CCDC160: variants seen among roughly 807,000 people sequenced by gnomAD.
The protein encoded by CCDC160 is coiled-coil domain-containing protein 160.
For synonymous variants in CCDC160, 94 were observed against 79.4 expected, an observed-to-expected ratio of 1.18 and a Z score of -0.98; for missense variants, 227 against 215.6, an observed-to-expected ratio of 1.05 and a Z score of -0.33.
intron 1 of CCDC160, among the ~76,000 whole-genome samples, chrX:134,244,451 G>A (rs2077035929): frequency 8.9e-6 from 1 of 112,221 alleles, no homozygotes; most frequent in Non-Finnish European, 1.9e-5. Context: ...TTATTTTAAA[G>A]CAGTCTGTTT....
At chrX:134,240,061 A>G (rs772843078) in intron 1 of CCDC160, among the ~76,000 whole-genome samples, 92 of 112,235 alleles carry the variant, frequency 8.2e-4, no homozygotes, top group Non-Finnish European at 1.5e-3. Context: ...AAGTCAGTGA[A>G]AAAGGGTGGA....
At chrX:134,240,376 T>G (rs889011671) in intron 1 of CCDC160, among the ~76,000 whole-genome samples, 15 of 111,963 alleles carry the variant, frequency 1.3e-4, no homozygotes, top group Admixed American at 4.7e-4. Flanking sequence ...TGTCTTCACC[T>G]TACTGCCCCT....
At chrX:134,239,540 T>C (rs1419072795) in intron 1 of CCDC160, among the ~76,000 whole-genome samples, 1 of 111,844 alleles carries the variant, frequency 8.9e-6, no homozygotes, top group East Asian at 2.8e-4. Context: ...AGATGCAGAT[T>C]AAATTAATCT....
chrX:134,245,084 C>G, exon 2 of CCDC160: 1 of 1,184,378 alleles, frequency 8.4e-7, no homozygotes, highest in Non-Finnish European at 1.1e-6. Context: ...GACACAAATT[C>G]TGCATCCTAT....
At chrX:134,244,647 A>C in intron 1 of CCDC160, 130 bp from the exon 3 acceptor site, 1 of 563,787 alleles carries the variant, frequency 1.8e-6, no homozygotes, top group South Asian at 5.8e-5. Flanking sequence ...CCATTCAGTG[A>C]GTTAGAGAGA....
chrX:134,238,148 G>A (rs1442334587), intron 1 of CCDC160, among the ~76,000 whole-genome samples: 1 of 111,276 alleles, frequency 9.0e-6, no homozygotes, highest in Non-Finnish European at 1.9e-5. Context: ...AACAAGCCAG[G>A]GTGGCTCCTT....
intron 1 of CCDC160, among the ~76,000 whole-genome samples, chrX:134,244,368 C>A (rs1349628416): frequency 1.8e-5 from 2 of 112,452 alleles, no homozygotes; most frequent in Admixed American, 9.4e-5. Context: ...TCCAAAAGAA[C>A]TAGAAAGGCA....
intron 1 of CCDC160, among the ~76,000 whole-genome samples, chrX:134,239,185 C>T (rs1165507566): frequency 8.9e-6 from 1 of 111,892 alleles, no homozygotes; most frequent in African/African-American, 3.2e-5. Flanking sequence ...AATATTTATT[C>T]AGGGCTACTA....
chrX:134,246,530 A>T (rs1041589721), downstream of CCDC160, among the ~76,000 whole-genome samples: 1 of 111,540 alleles, frequency 9.0e-6, no homozygotes. Flanking sequence ...GACCAGGGGA[A>T]AATTTCGAAG....
intron 1 of CCDC160, among the ~76,000 whole-genome samples, chrX:134,243,841 G>A (rs1416811052): frequency 9.0e-6 from 1 of 111,626 alleles, no homozygotes; most frequent in African/African-American, 3.3e-5. Flanking sequence ...GGCTTCAGGT[G>A]CCAGTGGCCC....
intron 1 of CCDC160, among the ~76,000 whole-genome samples, chrX:134,241,815 T>G (rs2077028319): frequency 8.9e-6 from 1 of 112,056 alleles, no homozygotes; most frequent in African/African-American, 3.2e-5. Context: ...CAATAATGGC[T>G]TCTGGTTTGG....
intron 1 of CCDC160, among the ~76,000 whole-genome samples, 168 bp from the exon 2 acceptor site, chrX:134,238,582 A>G (rs2077018006): frequency 9.1e-6 from 1 of 109,622 alleles, no homozygotes; most frequent in South Asian, 4.0e-4. Flanking sequence ...CATGTTGGTC[A>G]GGCTGGTCTC....
exon 2 of CCDC160, chrX:134,245,182 C>T (rs752989401): frequency 1.2e-5 from 14 of 1,195,730 alleles, no homozygotes; most frequent in South Asian, 5.6e-5. Context: ...CTTACCAGCT[C>T]TACTAAGACA....
intron 1 of CCDC160, among the ~76,000 whole-genome samples, chrX:134,241,292 T>C (rs1358695449): frequency 8.9e-6 from 1 of 111,933 alleles, no homozygotes; most frequent in Non-Finnish European, 1.9e-5. Flanking sequence ...TCTCAACATT[T>C]ATGTTACATC....
downstream of CCDC160, among the ~76,000 whole-genome samples, chrX:134,246,523 CA>C (rs761422595): frequency 4.5e-5 from 5 of 111,359 alleles, no homozygotes; most frequent in African/African-American, 9.8e-5. Flanking sequence ...AAAACTCGAC[CA>C]GGGGAAAATT....
chrX:134,239,680 GTTGT>G (rs893663938), intron 1 of CCDC160, among the ~76,000 whole-genome samples: 1 of 111,179 alleles, frequency 9.0e-6, no homozygotes, highest in Non-Finnish European at 1.9e-5. Flanking sequence ...GAAAGTTTAG[GTTGT>G]TTAACTGGCT....
chrX:134,244,131 C>T (rs766456179), intron 1 of CCDC160, among the ~76,000 whole-genome samples: 6 of 111,782 alleles, frequency 5.4e-5, no homozygotes, highest in African/African-American at 1.9e-4. Flanking sequence ...ATTAGATTCT[C>T]CTCATGAAAT....
At chrX:134,244,645 T>G in intron 1 of CCDC160, 132 bp from the exon 3 acceptor site, 1 of 549,752 alleles carries the variant, frequency 1.8e-6, no homozygotes, top group East Asian at 4.1e-5. Flanking sequence ...AGCCATTCAG[T>G]GAGTTAGAGA....
chrX:134,244,914 A>AG lies in CCDC160; in HGVS notation c.115dup (p.Asp39GlyfsTer2). On this transcript the variant is annotated frameshift_variant, in exon 2 of 2. Transcript: ENST00000370809. LOFTEE classifies it low-confidence loss of function (END_TRUNC). The stretch of plus-strand genomic sequence containing the variant: ...AATCTTCTTCTGAACAAACGACTGC[A>AG]GATAGCAGCAAGGGAATGGAAGAAA... 2 of 1,206,035 alleles carry AG rather than the reference A, an allele frequency of 1.7e-6. No individual in the cohort carries two copies. The highest frequency in any genetic ancestry group is 2.2e-6 in the Non-Finnish European group (2 of 892,508).
Sources: allele counts gnomAD v4.1 joint callset (sites outside exome capture counted in the v4.1 genomes callset), GRCh38; gene constraint gnomAD v4.1.1; transcripts MANE v1.5; gene names NCBI Gene and HGNC (gene_info 2026-07-23, HGNC 2026-07-21).